Variants in ABCG5 observed in about 807,000 individuals in gnomAD.
ABCG5 encodes the protein ATP-binding cassette sub-family G member 5.
A neutral mutation model predicts 64.5 loss-of-function variants in ABCG5; 64 were observed. The observed-to-expected ratio is 0.99, with a 90% CI of 0.81 to 1.22. The LOEUF is 1.22. Ranked by LOEUF, ABCG5 falls within the 50% of genes most tolerant of loss-of-function variation. The pLI, the probability that ABCG5 is intolerant of heterozygous loss-of-function variation, is 0.00. For synonymous variants in ABCG5, 385 were observed against 326.3 expected (o/e 1.18, Z -1.94); for missense variants, 908 against 829.5 (o/e 1.09, Z -1.16).
Position 43,822,884 on chromosome 2 carries a change from T to A in ABCG5, c.1376A>T (p.Gln459Leu), listed in dbSNP as rs1667326037. 6.2e-7 allele frequency: 1 copy of A among 1,614,118 alleles called. No individual in the cohort carries two copies. Among genetic ancestry groups the A allele is most frequent in the East Asian group, 2.2e-5 (1 of 44,868 alleles). Reference protein sequence around the residue: ...SDQESQDGLYQKWQMMLAYAL... With the variant: ...SDQESQDGLYLKWQMMLAYAL... ...ATAGGCCAGCATCATCTGCCACTTC[T>A]GGTAGAGGCCGTCCTGACTCTCCTG... The change falls in exon 10 of 13, where the codon CAG becomes CTG. Residue 459 changes from glutamine (Q) to leucine (L), a missense_variant. Coordinates refer to ENST00000405322, the MANE Select transcript of ABCG5 (RefSeq NM_022436.3).
chr2:43,828,052 T>G lies in ABCG5; in HGVS notation c.565A>C (p.Ser189Arg). 1 of 1,614,126 alleles carries G rather than the reference T, an allele frequency of 6.2e-7. No individual in the cohort carries two copies. Among genetic ancestry groups the G allele is most frequent in the South Asian group, 1.1e-5 (1 of 91,070 alleles). ...TCACCCGTGGAAATGCCCCCCAAGC[T>G]GTAGTTGCCAATCAGTCGGTCTGCC... ...HVADRLIGNYSLGGISTGERR... is the reference protein window; with the variant it reads ...HVADRLIGNYRLGGISTGERR... Residue 189 changes from serine (S) to arginine (R), a missense_variant, in exon 5 of 13, where the codon AGC becomes CGC. Coordinates refer to ENST00000405322, the MANE Select transcript of ABCG5 (RefSeq NM_022436.3).
At position 43,828,065 on chromosome 2, in the gene ABCG5, C is replaced by T; in HGVS notation, c.552G>A (p.Leu184=). The change falls in exon 5 of 13, where the codon CTG becomes CTA. Residue 184 remains leucine, a synonymous_variant. Coordinates refer to ENST00000405322, the MANE Select transcript of ABCG5 (RefSeq NM_022436.3). ...ELSLSHVADR[L]IGNYSLGGIS... Reference sequence around the variant, plus strand: ...TGCCCCCCAAGCTGTAGTTGCCAATCAGTCGGTCTGCCACATGGCTCAGAC... The same window carrying T: ...TGCCCCCCAAGCTGTAGTTGCCAATTAGTCGGTCTGCCACATGGCTCAGAC... 6.2e-7 allele frequency: 1 copy of T among 1,614,152 alleles called. No homozygotes were observed. The highest frequency in any genetic ancestry group is 8.5e-7 in the Non-Finnish European group (1 of 1,180,026).
chr2:43,838,616 G>A lies in ABCG5; in HGVS notation c.64C>T (p.Gln22Ter), dbSNP rs781098379. The A allele has an allele frequency of 5.0e-6, 8 of 1,612,854 alleles. No individual in the cohort carries two copies. Among genetic ancestry groups the A allele is most frequent in the East Asian group, 4.5e-5 (2 of 44,832 alleles). Residue 22 changes from glutamine to a stop codon, truncating the protein, a stop_gained, in exon 1 of 13, where the codon CAG becomes TAG. Transcript: ENST00000405322. LOFTEE classifies it high-confidence loss of function. This position sits in a 1 kb window ranked among gnomAD's most constrained non-coding sequence, Gnocchi z 4.2. Reference protein sequence around the residue: ...SMGLQVNRGSQSSLEGAPATA... With the variant: ...SMGLQVNRGS ...GCAGGAGCCCCCTCCAGGGAGCTCT[G>A]GGAGCCTCTGTTTACTTGGAGACCC... is the stretch of plus-strand genomic sequence containing the variant.
chr2:43,814,427 G>A (rs185564936), intron 12 of ABCG5, 50 bp downstream of exon 12: 10 of 1,165,262 alleles, frequency 8.6e-6, no homozygotes, highest in Middle Eastern at 1.9e-4. Flanking sequence ...CCAAGAAATT[G>A]CTTCCTCAGA....
chr2:43,823,838 CT>C (rs1320562043), intron 9 of ABCG5, 74 bp downstream of exon 9: 11 of 1,540,316 alleles, frequency 7.1e-6, no homozygotes, highest in African/African-American at 1.4e-5. Flanking sequence ...TAATGGTAGA[CT>C]TTTGTAAGGT....
intron 11 of ABCG5, among the ~76,000 whole-genome samples, chr2:43,818,127 A>G (rs1666960682): frequency 6.6e-6 from 1 of 152,146 alleles, no homozygotes; most frequent in Non-Finnish European, 1.5e-5. Flanking sequence ...TTCTGAAAGT[A>G]AAAAACAGGA....
At chr2:43,812,063 G>A (rs1666505713), downstream of ABCG5, among the ~76,000 whole-genome samples, 1 of 150,970 alleles carries the variant, frequency 6.6e-6, no homozygotes, top group Non-Finnish European at 1.5e-5. Flanking sequence ...TTCTTTTTTA[G>A]AGACAGGGTC....
At chr2:43,821,480 A>G (rs1055332843) in intron 10 of ABCG5, among the ~76,000 whole-genome samples, 1 of 152,108 alleles carries the variant, frequency 6.6e-6, no homozygotes, top group Non-Finnish European at 1.5e-5. Flanking sequence ...GTCTGAGGAC[A>G]CCCTCTCTGA....
intron 4 of ABCG5, among the ~76,000 whole-genome samples, chr2:43,829,832 A>G (rs1259028523): frequency 2.0e-5 from 3 of 152,250 alleles, no homozygotes; most frequent in Admixed American, 2.0e-4. Context: ...TTGTGGACCA[A>G]CATTCAAGAG....
Position 43,813,329 on chromosome 2 carries a change from C to T in ABCG5, c.1763-20G>A. On this transcript the variant is annotated intron_variant, in intron 12 of 12. Coordinates refer to ENST00000405322, the MANE Select transcript of ABCG5 (RefSeq NM_022436.3). Reference sequence around the variant, plus strand: ...AGCTGCCTGTCAAGGAAAAGATTGACAGTGTCAGGTGTGGTTTATCTCAGG... The same window carrying T: ...AGCTGCCTGTCAAGGAAAAGATTGATAGTGTCAGGTGTGGTTTATCTCAGG... The T allele has an allele frequency of 6.4e-7, 1 of 1,557,474 alleles. No individual in the cohort carries two copies. The highest frequency in any genetic ancestry group is 1.4e-5 in the African/African-American group (1 of 73,660).
rs973655230 is a variant in ABCG5, at chr2:43,826,025, G to C, written c.774+357C>G. The stretch of plus-strand genomic sequence containing the variant: ...AGGTCTTCCTCTGTCACCCAGGCTA[G>C]AGTGCAATGGCATGATCACGACTCC... On this transcript the variant is annotated intron_variant, in intron 6 of 12. Transcript: ENST00000405322. 2.6e-5 allele frequency among the ~76,000 whole-genome samples: 4 copies of C among 152,158 alleles called. No homozygotes were observed. In the South Asian group the frequency reaches 6.2e-4, roughly 24 times the overall value.
the ABCG5 span, among the ~76,000 whole-genome samples, chr2:43,807,396 T>C: frequency 6.6e-6 from 1 of 152,184 alleles, no homozygotes. Context: ...TTTAAGGGAA[T>C]GCGAATGTGG....
intron 2 of ABCG5, among the ~76,000 whole-genome samples, chr2:43,835,575 A>G (rs766000256): frequency 6.6e-5 from 10 of 152,224 alleles, no homozygotes; most frequent in Non-Finnish European, 1.3e-4. Flanking sequence ...AGTCAGTGCT[A>G]TAGTCTCAAT....
intron 11 of ABCG5, among the ~76,000 whole-genome samples, chr2:43,817,911 A>G (rs1298366235): frequency 6.6e-6 from 1 of 151,600 alleles, no homozygotes; most frequent in Admixed American, 6.6e-5. Context: ...TTCCCTCTCA[A>G]AACAAACAAA....
chr2:43,814,020 T>G (rs1191047177), intron 12 of ABCG5, among the ~76,000 whole-genome samples: 1 of 152,046 alleles, frequency 6.6e-6, no homozygotes, highest in Non-Finnish European at 1.5e-5. Context: ...CCGGCCACCC[T>G]GAGATTTCTA....
intron 11 of ABCG5, among the ~76,000 whole-genome samples, chr2:43,817,696 G>A (rs768023522): frequency 1.3e-5 from 2 of 151,608 alleles, no homozygotes; most frequent in African/African-American, 4.9e-5. Flanking sequence ...GATCACCTGA[G>A]GTCAGGAGTT....
intron 2 of ABCG5, among the ~76,000 whole-genome samples, chr2:43,836,333 G>C: frequency 6.6e-6 from 1 of 152,162 alleles, no homozygotes; most frequent in East Asian, 1.9e-4. Context: ...CTGAGTCTAA[G>C]GAGGCTGACC....
chr2:43,820,097 C>T lies in ABCG5; in HGVS notation c.1467G>A (p.Thr489=), dbSNP rs765708869. Residue 489 remains threonine (T), a synonymous_variant, in exon 11 of 13, where the codon ACG becomes ACA. Transcript: ENST00000405322. ...TMIFSSVCYW[T]LGLHPEVARF... is the part of the protein sequence containing the mutation. ...GGGCAACCTCAGGATGTAAGCCCAG[C>T]GTCCTAGAAAAGCATAAGCTCTTTA... 30 of 1,613,458 alleles carry T rather than the reference C, an allele frequency of 1.9e-5. No homozygotes were observed. In the Admixed American group the frequency reaches 2.2e-4, roughly 12 times the overall value.
intron 4 of ABCG5, among the ~76,000 whole-genome samples, chr2:43,829,009 A>T (rs79835740): frequency 0.069 from 10,418 of 152,064 alleles, 422 homozygotes; most frequent in African/African-American, 0.087. Flanking sequence ...ATAAAATAAG[A>T]TTCCCTAGAA....
Sources: allele counts gnomAD v4.1 joint callset (sites outside exome capture counted in the v4.1 genomes callset), GRCh38; gene constraint gnomAD v4.1.1; non-coding constraint Gnocchi (gnomAD v3.1); transcripts MANE v1.5; gene names NCBI Gene and HGNC (gene_info 2026-07-23, HGNC 2026-07-21).